The following CNTNAP2 variants were observed in gnomAD, a reference collection of about 807,000 sequenced individuals.
The protein encoded by CNTNAP2 is contactin associated protein 2.
In CNTNAP2, 98 loss-of-function variants were observed where a neutral mutation model predicts 155.2. That is an observed-to-expected ratio of 0.63 (90% confidence interval 0.54 to 0.75). The LOEUF is 0.75. Ranked by LOEUF, CNTNAP2 falls within the 30% of genes least tolerant of loss-of-function variation. The probability of loss-of-function intolerance (pLI) is 0.00; values close to 1 mark genes in which losing one functional copy is unlikely to be tolerated. For missense variants in CNTNAP2, 1,727 were observed against 1,688.1 expected (o/e 1.02, Z -0.40); for synonymous variants, 651 against 631.2 (o/e 1.03, Z -0.47).
intron 12 of CNTNAP2, among the ~76,000 whole-genome samples, chr7:147,578,710 A>G (rs191679332): frequency 1.3e-5 from 2 of 152,206 alleles, no homozygotes; most frequent in African/African-American, 4.8e-5. Flanking sequence ...TTCCTAAAAT[A>G]AAAAATTATG....
At chr7:146,696,222 C>A (rs1206382570) in intron 1 of CNTNAP2, among the ~76,000 whole-genome samples, 1 of 152,102 alleles carries the variant, frequency 6.6e-6, no homozygotes, top group African/African-American at 2.4e-5. Context: ...TAAACCTATT[C>A]AGGTTATTTA....
In CNTNAP2 at chr7:148,111,654, A is replaced by G. The variant is rs969564812; in HGVS notation, c.2384-6464A>G. 2.6e-5 allele frequency among the ~76,000 whole-genome samples: 4 copies of G among 152,064 alleles called. No homozygotes were observed. The East Asian group carries it at 7.7e-4, about 29-fold the overall frequency. On this transcript the variant is annotated intron_variant, in intron 15 of 23. Transcript: ENST00000361727. Reference sequence around the variant, plus strand: ...TCAAGGCAATCATGAAGTTCCAATTAAAAGAGTTAAAGAAAAGATCCTGAA... The same window carrying G: ...TCAAGGCAATCATGAAGTTCCAATTGAAAGAGTTAAAGAAAAGATCCTGAA...
At chr7:146,814,671 G>T (rs1803130150) in intron 2 of CNTNAP2, among the ~76,000 whole-genome samples, 1 of 152,058 alleles carries the variant, frequency 6.6e-6, no homozygotes, top group African/African-American at 2.4e-5. Flanking sequence ...TGAAAACCCA[G>T]TAAGTTAAGT....
In CNTNAP2 at chr7:147,617,074, G is replaced by T. The variant is rs536400483; in HGVS notation, c.1898-22032G>T. Among the ~76,000 whole-genome samples, 8 of 152,036 alleles carry T rather than the reference G, an allele frequency of 5.3e-5. No homozygotes were observed. The South Asian group carries it at 1.7e-3, about 32-fold the overall frequency. ...TCCAGATCCTTTATTTCCATTTACA[G>T]AATCCCTCTTGTCTCCAGGGTGTGT... On this transcript the variant is annotated intron_variant, in intron 12 of 23. Coordinates refer to ENST00000361727, the MANE Select transcript of CNTNAP2 (RefSeq NM_014141.6).
At position 146,477,673 on chromosome 7, in the gene CNTNAP2, ACATCT is replaced by A. The variant is rs1459412739; in HGVS notation, c.98-296597_98-296593del. ...CACACACACACACACACACACACAC[ACATCT>A]TCTGGATTGTATACTAAAAATTTAT... On this transcript the variant is annotated intron_variant, in intron 1 of 23. Transcript: ENST00000361727. Among the ~76,000 whole-genome samples, 5 of 141,282 alleles carry A rather than the reference ACATCT, an allele frequency of 3.5e-5. No homozygotes were observed. The East Asian group carries it at 1.0e-3, about 28-fold the overall frequency. 92.7% of individuals were successfully genotyped at this position (141,282 alleles called of 152,430 possible). A position where few individuals can be genotyped will look rare whatever the true frequency, so the allele number is the denominator to read the frequency against.
intron 9 of CNTNAP2, among the ~76,000 whole-genome samples, chr7:147,301,604 G>C (rs865993267): frequency 0.08 from 8,605 of 108,192 alleles, 466 homozygotes; most frequent in African/African-American, 0.21. Flanking sequence ...GTGTGTGTGT[G>C]TGTGTGTGTG....
intron 14 of CNTNAP2, among the ~76,000 whole-genome samples, chr7:147,949,458 A>ATATATATATATATATATATATATT (rs1433579404): frequency 6.0e-4 from 82 of 137,340 alleles, no homozygotes; most frequent in Non-Finnish European, 8.1e-4. Flanking sequence ...ATATATATAT[A>ATATATATATATATATATATATATT]TTTTTTTTTT....
At chr7:148,329,772 C>T (rs767129051) in intron 21 of CNTNAP2, among the ~76,000 whole-genome samples, 7 of 152,194 alleles carry the variant, frequency 4.6e-5, no homozygotes, top group Non-Finnish European at 7.3e-5. Flanking sequence ...ATGACAGGGA[C>T]GTTCTTTATC....
At chr7:146,502,257 A>ATGTGTATATATATATATATATATATG (rs1797316697) in intron 1 of CNTNAP2, among the ~76,000 whole-genome samples, 1 of 118,384 alleles carries the variant, frequency 8.4e-6, no homozygotes, top group African/African-American at 3.3e-5. Context: ...ATATATATAT[A>ATGTGTATATATATATATATATATATG]TATGTCATAT....
intron 11 of CNTNAP2, among the ~76,000 whole-genome samples, chr7:147,492,857 C>G (rs1241367493): frequency 6.6e-6 from 1 of 152,154 alleles, no homozygotes; most frequent in East Asian, 1.9e-4. Context: ...CCCCATCTCT[C>G]CGCCCCCGCT....
chr7:147,900,350 G>A (rs539797207), intron 13 of CNTNAP2, among the ~76,000 whole-genome samples: 4 of 152,230 alleles, frequency 2.6e-5, no homozygotes, highest in African/African-American at 9.6e-5. Flanking sequence ...ATGATAGTGA[G>A]GAAGTTCTCA....
chr7:147,819,694 G>C (rs901243056), intron 13 of CNTNAP2, among the ~76,000 whole-genome samples: 8 of 152,068 alleles, frequency 5.3e-5, no homozygotes, highest in African/African-American at 1.9e-4. Flanking sequence ...CCAATTCCTA[G>C]GTCATCAGTG....
chr7:146,633,752 C>G (rs1225834454), intron 1 of CNTNAP2, among the ~76,000 whole-genome samples: 2 of 147,500 alleles, frequency 1.4e-5, no homozygotes, highest in Non-Finnish European at 3.0e-5. Context: ...ATGGCGTGAA[C>G]CCGGGAGACG....
chr7:146,578,086 C>G (rs886357490), intron 1 of CNTNAP2, among the ~76,000 whole-genome samples: 1 of 152,014 alleles, frequency 6.6e-6, no homozygotes, highest in Middle Eastern at 3.2e-3. Flanking sequence ...TTATTTGTTC[C>G]TAATTTCTTT....
intron 3 of CNTNAP2, among the ~76,000 whole-genome samples, chr7:146,937,225 A>T (rs1335986441): frequency 2.0e-5 from 3 of 151,426 alleles, no homozygotes; most frequent in Admixed American, 6.6e-5. Context: ...GTCTCTACTT[A>T]AAAAAAATAG....
chr7:148,302,699 G>T (rs967313313), intron 21 of CNTNAP2, among the ~76,000 whole-genome samples: 2 of 151,596 alleles, frequency 1.3e-5, no homozygotes, highest in Non-Finnish European at 2.9e-5. Context: ...CGCTTCTCTC[G>T]CCTGCCTACT....
intron 13 of CNTNAP2, among the ~76,000 whole-genome samples, chr7:147,735,165 A>G (rs1007542848): frequency 7.9e-5 from 12 of 152,148 alleles, no homozygotes; most frequent in African/African-American, 2.9e-4. Context: ...ATTTAGTGCT[A>G]TAAATTTCCC....
intron 11 of CNTNAP2, among the ~76,000 whole-genome samples, chr7:147,519,577 A>T (rs975102835): frequency 2.0e-5 from 3 of 152,190 alleles, no homozygotes; most frequent in African/African-American, 7.2e-5. Flanking sequence ...AAAGGAATAA[A>T]CTTGGCCAGG....
chr7:147,999,202 C>T (rs1467827230), intron 15 of CNTNAP2, among the ~76,000 whole-genome samples: 1 of 152,068 alleles, frequency 6.6e-6, no homozygotes, highest in East Asian at 1.9e-4. Context: ...CCTGCCTCAG[C>T]CTCCTGAGTA....
Sources: allele counts gnomAD v4.1 joint callset (sites outside exome capture counted in the v4.1 genomes callset), GRCh38; gene constraint gnomAD v4.1.1; transcripts MANE v1.5; gene names NCBI Gene and HGNC (gene_info 2026-07-23, HGNC 2026-07-21).